SHISA6: variants seen among roughly 807,000 people sequenced by gnomAD.
SHISA6 encodes protein shisa-6.
SHISA6 carries 22 observed loss-of-function variants against 47.9 expected under a neutral mutation model. The observed-to-expected ratio is 0.46, with a 90% confidence interval of 0.33 to 0.66. The LOEUF (loss-of-function observed/expected upper bound fraction) is 0.66. Among genes scored for constraint, SHISA6 ranks in the 30% least tolerant of loss-of-function variants. The pLI, the probability that SHISA6 is intolerant of heterozygous loss-of-function variation, is 0.02. For synonymous variants in SHISA6, 388 were observed against 337.8 expected (o/e 1.15, Z -1.63); for missense variants, 680 against 764.6 (o/e 0.89, Z 1.30).
chr17:11,262,611 A>G (rs751715624), intron 1 of SHISA6, among the ~76,000 whole-genome samples: 3 of 152,320 alleles, frequency 2.0e-5, no homozygotes, highest in Middle Eastern at 3.4e-3. Context: ...TCGTCAGTCA[A>G]TGCATGTTTG....
chr17:11,339,126 G>T (rs8072189), intron 2 of SHISA6, among the ~76,000 whole-genome samples: 21,726 of 147,860 alleles, frequency 0.15, 1,686 homozygotes, highest in African/African-American at 0.19. Flanking sequence ...TAACAAACCT[G>T]CACATTGTGC....
intron 3 of SHISA6, among the ~76,000 whole-genome samples, chr17:11,534,811 A>C (rs893234553): frequency 2.6e-5 from 4 of 152,130 alleles, no homozygotes; most frequent in Non-Finnish European, 4.4e-5. Flanking sequence ...AAGATCAATA[A>C]GGGGTTGTGT....
At chr17:11,245,061 T>TTCA (rs547130688) in intron 1 of SHISA6, among the ~76,000 whole-genome samples, 72 of 152,296 alleles carry the variant, frequency 4.7e-4, no homozygotes, top group African/African-American at 1.7e-3. Context: ...AGGAAGATAT[T>TTCA]TCATCATTTC....
At chr17:11,360,579 A>G (rs1013266350) in intron 2 of SHISA6, among the ~76,000 whole-genome samples, 23 of 151,752 alleles carry the variant, frequency 1.5e-4, no homozygotes, top group East Asian at 5.8e-4. Flanking sequence ...AAAAAAAAAA[A>G]AGAGAACACA....
chr17:11,400,355 C>G (rs1349988972), intron 3 of SHISA6, among the ~76,000 whole-genome samples: 1 of 152,186 alleles, frequency 6.6e-6, no homozygotes, highest in Non-Finnish European at 1.5e-5. Context: ...GATGAAAAGT[C>G]ATTAACATTG....
At chr17:11,375,415 C>A (rs1252975573) in intron 2 of SHISA6, among the ~76,000 whole-genome samples, 1 of 152,150 alleles carries the variant, frequency 6.6e-6, no homozygotes, top group Admixed American at 6.6e-5. Flanking sequence ...TGTATCCGTT[C>A]TCTAGTCCAG....
chr17:11,315,022 G>A (rs1910460137), intron 2 of SHISA6, among the ~76,000 whole-genome samples: 1 of 152,082 alleles, frequency 6.6e-6, no homozygotes, highest in Non-Finnish European at 1.5e-5. Flanking sequence ...ATTTTAGAAG[G>A]GGACATGAAT....
intron 1 of SHISA6, among the ~76,000 whole-genome samples, chr17:11,242,577 G>A (rs920651796): frequency 4.6e-5 from 7 of 152,148 alleles, no homozygotes; most frequent in African/African-American, 1.7e-4. Flanking sequence ...CGGAAGTAGG[G>A]ATAAAGATTT....
intron 3 of SHISA6, among the ~76,000 whole-genome samples, chr17:11,402,810 G>A (rs554457586): frequency 6.6e-6 from 1 of 152,344 alleles, no homozygotes; most frequent in South Asian, 2.1e-4. Context: ...GTGAGGCACT[G>A]AGGCAGGCCT....
chr17:11,530,449 A>G (rs1381545771), intron 3 of SHISA6, among the ~76,000 whole-genome samples: 3 of 152,138 alleles, frequency 2.0e-5, no homozygotes. Flanking sequence ...ATACACACAC[A>G]CTTCTTTTTT....
chr17:11,335,891 T>C (rs1271614734), intron 2 of SHISA6, among the ~76,000 whole-genome samples: 1 of 152,132 alleles, frequency 6.6e-6, no homozygotes, highest in Non-Finnish European at 1.5e-5. Context: ...ATATGCGAGT[T>C]ATGCCTTACA....
chr17:11,354,244 C>T (rs899296813), intron 2 of SHISA6, among the ~76,000 whole-genome samples: 3 of 152,156 alleles, frequency 2.0e-5, no homozygotes, highest in Non-Finnish European at 2.9e-5. Flanking sequence ...TGTTCAAATG[C>T]GAATTCGGAT....
At chr17:11,324,602 T>C (rs769497451) in intron 2 of SHISA6, among the ~76,000 whole-genome samples, 2 of 152,046 alleles carry the variant, frequency 1.3e-5, no homozygotes, top group African/African-American at 2.4e-5. Context: ...GTGCTCCAGA[T>C]TGGGGGGTGG....
chr17:11,300,274 A>T (rs1909880918), intron 2 of SHISA6, among the ~76,000 whole-genome samples: 1 of 152,204 alleles, frequency 6.6e-6, no homozygotes, highest in Non-Finnish European at 1.5e-5. Flanking sequence ...TACCCGAAGC[A>T]TGAGTTCCCA....
chr17:11,512,189 A>G (rs1396278994), intron 3 of SHISA6, among the ~76,000 whole-genome samples: 2 of 152,192 alleles, frequency 1.3e-5, no homozygotes, highest in African/African-American at 4.8e-5. Flanking sequence ...TGACCTATGT[A>G]ATTTTTTAAA....
intron 3 of SHISA6, among the ~76,000 whole-genome samples, chr17:11,406,036 T>A (rs1394806456): frequency 6.6e-6 from 1 of 152,208 alleles, no homozygotes; most frequent in Admixed American, 6.5e-5. Flanking sequence ...TTTCTAGAGA[T>A]AACCAATAGC....
intron 2 of SHISA6, among the ~76,000 whole-genome samples, chr17:11,363,672 G>A (rs1912358706): frequency 6.6e-6 from 1 of 152,128 alleles, no homozygotes; most frequent in African/African-American, 2.4e-5. Context: ...TAGGAGGTGG[G>A]ACTCGACTTC....
intron 3 of SHISA6, among the ~76,000 whole-genome samples, chr17:11,426,411 T>A (rs1567602990): frequency 6.6e-6 from 1 of 152,168 alleles, no homozygotes; most frequent in Non-Finnish European, 1.5e-5. Context: ...CATGTGATGT[T>A]CCCCAATAGC....
chr17:11,503,439 C>A (rs1169338945), intron 3 of SHISA6, among the ~76,000 whole-genome samples: 3 of 152,174 alleles, frequency 2.0e-5, no homozygotes, highest in Non-Finnish European at 4.4e-5. Context: ...GAGCCCCGCC[C>A]AGCCACAGAG....
Sources: allele counts gnomAD v4.1 joint callset (sites outside exome capture counted in the v4.1 genomes callset), GRCh38; gene constraint gnomAD v4.1.1; transcripts MANE v1.5; gene names NCBI Gene and HGNC (gene_info 2026-07-23, HGNC 2026-07-21).